The following STRN3 variants were observed in gnomAD, a reference collection of about 807,000 sequenced individuals.
STRN3 encodes striatin-3.
Under a neutral mutation model 95.6 loss-of-function variants are expected in STRN3, and 29 were observed. The observed-to-expected ratio is 0.30, with a 90% CI of 0.23 to 0.41. The LOEUF is 0.41. Ranked by LOEUF, STRN3 falls within the 10% of genes least tolerant of loss-of-function variation. The pLI is 1.00. For synonymous variants in STRN3, 331 were observed against 357.6 expected (o/e 0.93, Z 0.84); for missense variants, 890 against 972.1 (o/e 0.92, Z 1.12).
intron 7 of STRN3, among the ~76,000 whole-genome samples, chr14:30,929,954 C>CAAAAAAAAAAACAAAAAAAAAAAAAAAA (rs1393194244): frequency 5.0e-5 from 2 of 40,000 alleles, no homozygotes; most frequent in African/African-American, 2.5e-4. Context: ...CTAAGATTAG[C>CAAAAAAAAAAACAAAAAAAAAAAAAAAA]AAAAAAAAAA....
At chr14:30,926,915 A>G (rs889225997) in intron 8 of STRN3, among the ~76,000 whole-genome samples, 5 of 152,180 alleles carry the variant, frequency 3.3e-5, no homozygotes, top group Non-Finnish European at 7.4e-5. Context: ...AAAAATACAA[A>G]CATATATAAA....
At chr14:30,938,057 C>T (rs1310288733) in intron 5 of STRN3, among the ~76,000 whole-genome samples, 1 of 151,762 alleles carries the variant, frequency 6.6e-6, no homozygotes, top group Non-Finnish European at 1.5e-5. Context: ...ATAGGTGTCA[C>T]ACTGTATTTT....
intron 6 of STRN3, among the ~76,000 whole-genome samples, chr14:30,935,599 A>G (rs1878778775): frequency 1.3e-5 from 2 of 152,216 alleles, no homozygotes; most frequent in Admixed American, 1.3e-4. Flanking sequence ...TTAAAGAACC[A>G]GTCACTTATT....
intron 1 of STRN3, among the ~76,000 whole-genome samples, chr14:30,984,502 T>C (rs1408432854): frequency 6.6e-6 from 1 of 152,002 alleles, no homozygotes; most frequent in Non-Finnish European, 1.5e-5. Flanking sequence ...ACTAGCTCAT[T>C]AAAACCACTC....
intron 16 of STRN3, among the ~76,000 whole-genome samples, chr14:30,901,277 TA>T (rs11350824): frequency 0.58 from 82,881 of 143,980 alleles, 23,225 homozygotes; most frequent in South Asian, 0.72. Flanking sequence ...CCTGTCTCTA[TA>T]AAAAAAAAAA....
intron 1 of STRN3, among the ~76,000 whole-genome samples, chr14:30,966,298 C>T (rs1179035448): frequency 2.6e-5 from 4 of 152,158 alleles, no homozygotes; most frequent in African/African-American, 9.7e-5. Context: ...AGGGTGCACC[C>T]TTCTATACAG....
chr14:31,019,079 G>A (rs1345061083), intron 1 of STRN3, among the ~76,000 whole-genome samples: 1 of 152,162 alleles, frequency 6.6e-6, no homozygotes, highest in Non-Finnish European at 1.5e-5. Context: ...GAGATGCCAA[G>A]GTAGGAGGAC....
At chr14:30,934,598 T>G (rs1427360951) in intron 7 of STRN3, among the ~76,000 whole-genome samples, 1 of 152,222 alleles carries the variant, frequency 6.6e-6, no homozygotes, top group East Asian at 1.9e-4. Flanking sequence ...TTCCAAAGTT[T>G]AGGCCCTAAC....
intron 1 of STRN3, among the ~76,000 whole-genome samples, chr14:30,967,637 C>A (rs1880598540): frequency 6.6e-6 from 1 of 152,310 alleles, no homozygotes; most frequent in East Asian, 1.9e-4. Context: ...GCTTTGCTAA[C>A]AGAAGAAAGT....
intron 1 of STRN3, among the ~76,000 whole-genome samples, chr14:30,960,958 G>A (rs1232905463): frequency 6.6e-6 from 1 of 151,718 alleles, no homozygotes; most frequent in Non-Finnish European, 1.5e-5. Context: ...GTTCCAGGAG[G>A]ATTACAGATC....
At chr14:30,969,048 A>G (rs558267282) in intron 1 of STRN3, among the ~76,000 whole-genome samples, 43 of 152,364 alleles carry the variant, frequency 2.8e-4, no homozygotes, top group African/African-American at 1.0e-3. Flanking sequence ...GGTATCATCC[A>G]GTTTTTCTGT....
At chr14:31,003,260 CCA>C in intron 1 of STRN3, among the ~76,000 whole-genome samples, 1 of 123,432 alleles carries the variant, frequency 8.1e-6, no homozygotes. Context: ...GACTCTGTCT[CCA>C]AAAAAAAAAA....
chr14:30,910,115 C>T (rs1427254792), intron 13 of STRN3, among the ~76,000 whole-genome samples: 2 of 152,224 alleles, frequency 1.3e-5, no homozygotes, highest in African/African-American at 4.8e-5. Context: ...TAAAACCTTA[C>T]ATTTATCAGA....
At chr14:30,952,616 C>T (rs1879703638) in intron 3 of STRN3, among the ~76,000 whole-genome samples, 1 of 151,962 alleles carries the variant, frequency 6.6e-6, no homozygotes, top group Admixed American at 6.6e-5. Flanking sequence ...GGGAGGATTG[C>T]ATGAGCCTGG....
chr14:30,952,079 C>A (rs1486307187), intron 3 of STRN3, among the ~76,000 whole-genome samples: 1 of 151,438 alleles, frequency 6.6e-6, no homozygotes, highest in Non-Finnish European at 1.5e-5. Context: ...GATTGCACCA[C>A]TGCACTACAG....
chr14:31,012,772 T>C (rs145698017), intron 1 of STRN3, among the ~76,000 whole-genome samples: 2,658 of 151,806 alleles, frequency 0.018, 75 homozygotes, highest in African/African-American at 0.061. Context: ...TGGGCGCCTG[T>C]AATCCCAGTG....
chr14:30,951,893 A>G (rs1211001085), intron 3 of STRN3, among the ~76,000 whole-genome samples: 2 of 152,066 alleles, frequency 1.3e-5, no homozygotes, highest in Non-Finnish European at 2.9e-5. Flanking sequence ...TGAGGTGGGC[A>G]GATCACTTGA....
chr14:30,931,195 G>A (rs1436962505), intron 7 of STRN3, among the ~76,000 whole-genome samples: 2 of 152,148 alleles, frequency 1.3e-5, no homozygotes, highest in African/African-American at 4.8e-5. Flanking sequence ...ACAGGTTGGT[G>A]AATGCATATG....
In STRN3 at chr14:30,913,563, T is replaced by C; in HGVS notation, c.1335A>G (p.Ala445=). The C allele has an allele frequency of 6.2e-7, 1 of 1,613,752 alleles. No homozygotes were observed. Among genetic ancestry groups the C allele is most frequent in the Non-Finnish European group, 8.5e-7 (1 of 1,179,780 alleles). The stretch of plus-strand genomic sequence containing the variant: ...CTGCATCATTTGTTACCGTCAAGTC[T>C]GCAAGGTCTCCAAGGCCCAGTACAC... The part of the protein sequence containing the change: ...LLSVLGLGDL[A]DLTVTNDADY... The change falls in exon 10 of 18, where the codon GCA becomes GCG. Residue 445 remains alanine, a synonymous_variant. Transcript: ENST00000357479.
Sources: allele counts gnomAD v4.1 joint callset (sites outside exome capture counted in the v4.1 genomes callset), GRCh38; gene constraint gnomAD v4.1.1; transcripts MANE v1.5; gene names NCBI Gene and HGNC (gene_info 2026-07-23, HGNC 2026-07-21).